MROH2B: variants seen among roughly 807,000 people sequenced by gnomAD.
MROH2B encodes maestro heat-like repeat-containing protein family member 2B.
In MROH2B, 177 loss-of-function variants were observed where a neutral mutation model predicts 208.6. That is an observed-to-expected ratio of 0.85 (90% CI 0.75 to 0.96). MROH2B has a LOEUF of 0.96. Ranked by LOEUF, MROH2B falls within the 40% of genes least tolerant of loss-of-function variation. MROH2B has a pLI of 0.00. For synonymous variants in MROH2B, 728 were observed against 659.0 expected (o/e 1.10, Z -1.60); for missense variants, 2,002 against 1,878.7 (o/e 1.07, Z -1.21).
At chr5:41,037,827 A>G (rs1343933170) in intron 21 of MROH2B, among the ~76,000 whole-genome samples, 1 of 152,224 alleles carries the variant, frequency 6.6e-6, no homozygotes, top group Non-Finnish European at 1.5e-5. Flanking sequence ...TAACTTCCCT[A>G]GAAAACAACT....
chr5:41,023,929 A>G (rs1742253029), intron 24 of MROH2B, among the ~76,000 whole-genome samples: 1 of 152,196 alleles, frequency 6.6e-6, no homozygotes, highest in Admixed American at 6.5e-5. Flanking sequence ...TATCTAGCCA[A>G]ACTAAGCTTC....
At chr5:41,065,093 TG>T (rs1392725523) in intron 4 of MROH2B, among the ~76,000 whole-genome samples, 6 of 152,302 alleles carry the variant, frequency 3.9e-5, no homozygotes, top group South Asian at 2.1e-4. Context: ...AATGCAAAGC[TG>T]GATGAAGGGG....
chr5:41,059,722 C>T (rs1002239692), intron 6 of MROH2B, among the ~76,000 whole-genome samples: 1 of 152,120 alleles, frequency 6.6e-6, no homozygotes, highest in African/African-American at 2.4e-5. Context: ...TTCTACTTGA[C>T]TCTCCTACAC....
intron 9 of MROH2B, among the ~76,000 whole-genome samples, chr5:41,056,147 T>A (rs765046698): frequency 1.3e-5 from 2 of 152,154 alleles, no homozygotes; most frequent in Non-Finnish European, 2.9e-5. Context: ...AGAGTGGGCC[T>A]GAATTTAATA....
chr5:41,027,753 G>A (rs1445689765), intron 24 of MROH2B, among the ~76,000 whole-genome samples: 2 of 152,102 alleles, frequency 1.3e-5, no homozygotes, highest in African/African-American at 4.8e-5. Flanking sequence ...GTTTATTGTG[G>A]CACTATTCAC....
rs150010482 is a variant in MROH2B at position 41,043,547 on chromosome 5, C to T, written c.1837-1339G>A. On this transcript the variant is annotated intron_variant, in intron 18 of 41. Transcript: ENST00000399564. ...TCTTAGTGCCTCCCAGTCCTGCTGA[C>T]CTGTTGCTTCTCTGTGGATTTTGGT... Among the ~76,000 whole-genome samples, 4 of 152,252 alleles carry T rather than the reference C, an allele frequency of 2.6e-5. No individual in the cohort carries two copies. In the East Asian group the frequency reaches 7.7e-4, roughly 29 times the overall value.
chr5:41,024,288 C>A (rs1183228856), intron 24 of MROH2B, among the ~76,000 whole-genome samples: 1 of 152,034 alleles, frequency 6.6e-6, no homozygotes, highest in Admixed American at 6.6e-5. Flanking sequence ...TTCAGGAAAC[C>A]CATCTCACAT....
chr5:41,048,385 A>T lies in MROH2B; in HGVS notation c.1623T>A (p.Ile541=). ...IGLLKILPEI[I]HPKLVDLWKT... is the part of the protein sequence containing the mutation. ...TCCATAGGTCTACCAATTTTGGGTG[A>T]ATTATCTCAGGCAGTATCTTCAAAA... The change falls in exon 16 of 42, where the codon ATT becomes ATA. Residue 541 remains isoleucine, a synonymous_variant. Transcript: ENST00000399564. The T allele has an allele frequency of 1.2e-6, 2 of 1,613,700 alleles. No homozygotes were observed. Among genetic ancestry groups the T allele is most frequent in the Non-Finnish European group, 1.7e-6 (2 of 1,179,706 alleles).
chr5:41,002,164 A>C (rs547911581), intron 37 of MROH2B, among the ~76,000 whole-genome samples: 1 of 152,364 alleles, frequency 6.6e-6, no homozygotes, highest in African/African-American at 2.4e-5. Context: ...AGAGACATTT[A>C]GTTAAAAAAG....
Position 41,008,651 on chromosome 5 carries a change from T to A in MROH2B, c.3563A>T (p.His1188Leu). ...MLTCPWSHRR[H>L]VMQQGEQQQI... is the part of the protein sequence containing the mutation. ...CTGCTGTTCTCCCTGCTGCATCACATGCCGCCTATGGCTCCAGGGACAAGT... is the reference window on the plus strand; with the variant it reads ...CTGCTGTTCTCCCTGCTGCATCACAAGCCGCCTATGGCTCCAGGGACAAGT... The change falls in exon 33 of 42, where the codon CAT becomes CTT. Residue 1188 changes from histidine to leucine, a missense_variant. His to Leu is a moderately conservative substitution (Grantham distance 99). Transcript: ENST00000399564. The A allele has an allele frequency of 6.2e-7, 1 of 1,613,944 alleles. No individual in the cohort carries two copies. The highest frequency in any genetic ancestry group is 8.5e-7 in the Non-Finnish European group (1 of 1,179,862).
intron 24 of MROH2B, among the ~76,000 whole-genome samples, chr5:41,023,695 A>C (rs1238641184): frequency 6.6e-6 from 1 of 152,172 alleles, no homozygotes; most frequent in East Asian, 1.9e-4. Context: ...CCACAAAGAT[A>C]CTCTTTGAGA....
Position 41,038,700 on chromosome 5 carries a change from G to C in MROH2B, c.2214+36C>G, listed in dbSNP as rs200419484. On this transcript the variant is annotated intron_variant, in intron 21 of 41. Coordinates refer to ENST00000399564, the MANE Select transcript of MROH2B (RefSeq NM_173489.5). ...GCCCCTGCAAGTTTTAGGAACCCCA[G>C]CCTAGAAATGGAGGCAGCCATGCAA... 4,820 of 1,567,612 alleles carry C rather than the reference G, an allele frequency of 3.1e-3. 18 individuals are homozygous for C. Among genetic ancestry groups the C allele is most frequent in the Non-Finnish European group, 3.2e-3 (3,685 of 1,154,606 alleles).
chr5:41,053,424 G>A (rs1046515778), intron 11 of MROH2B, among the ~76,000 whole-genome samples: 7 of 152,162 alleles, frequency 4.6e-5, no homozygotes, highest in African/African-American at 1.7e-4. Flanking sequence ...AGAAATTAGA[G>A]TGAAGTTTTA....
At chr5:41,030,735 T>A (rs554880272) in intron 24 of MROH2B, among the ~76,000 whole-genome samples, 1 of 152,190 alleles carries the variant, frequency 6.6e-6, no homozygotes, top group South Asian at 2.1e-4. Context: ...CTATAGTTAC[T>A]GAAACAGCAT....
chr5:41,055,651 A>G, intron 10 of MROH2B, 91 bp downstream of exon 10: 1 of 904,084 alleles, frequency 1.1e-6, no homozygotes, highest in Admixed American at 2.1e-5. Flanking sequence ...ATAAGCATCC[A>G]AAAGACATAG....
At chr5:41,033,986 G>T in intron 21 of MROH2B, 122 bp from the exon 22 acceptor site, 1 of 1,282,718 alleles carries the variant, frequency 7.8e-7, no homozygotes, top group Non-Finnish European at 1.0e-6. Context: ...GTAGAGCCTT[G>T]CCAAGGGGGG....
chr5:41,058,553 A>G lies in MROH2B; in HGVS notation c.616-350T>C, dbSNP rs538107338. Among the ~76,000 whole-genome samples, 30 of 151,980 alleles carry G rather than the reference A, an allele frequency of 2.0e-4. No homozygotes were observed. The South Asian group carries it at 6.0e-3, about 31-fold the overall frequency. On this transcript the variant is annotated intron_variant, in intron 6 of 41. Coordinates refer to ENST00000399564, the MANE Select transcript of MROH2B (RefSeq NM_173489.5). Reference sequence around the variant, plus strand: ...GCTCACTGCAACCTCCGCCTCCCAGATTCAAGCAATTCTCCCGCCTCAGCC... The same window carrying G: ...GCTCACTGCAACCTCCGCCTCCCAGGTTCAAGCAATTCTCCCGCCTCAGCC...
At chr5:41,028,347 T>C (rs1742451857) in intron 24 of MROH2B, among the ~76,000 whole-genome samples, 1 of 152,196 alleles carries the variant, frequency 6.6e-6, no homozygotes. Flanking sequence ...AGCAAAATCC[T>C]TAATACAATA....
At position 41,064,539 on chromosome 5, in the gene MROH2B, G is replaced by T. The variant is rs1403542680; in HGVS notation, c.393C>A (p.Thr131=). The change falls in exon 5 of 42, where the codon ACC becomes ACA. Residue 131 remains threonine, a synonymous_variant. Transcript: ENST00000399564. ...VSQSIPFMMM[T]LLTMQTMLRL... ...TGAGCATGGTTTGCATGGTGAGCAG[G>T]GTCATCATCATGAAAGGAATACTCT... The T allele has an allele frequency of 6.2e-7, 1 of 1,613,296 alleles. No homozygotes were observed. Among genetic ancestry groups the T allele is most frequent in the South Asian group, 1.1e-5 (1 of 90,968 alleles).
Sources: allele counts gnomAD v4.1 joint callset (sites outside exome capture counted in the v4.1 genomes callset), GRCh38; gene constraint gnomAD v4.1.1; transcripts MANE v1.5; gene names NCBI Gene and HGNC (gene_info 2026-07-23, HGNC 2026-07-21).